The following LRP1B variants were observed in gnomAD, a reference collection of about 807,000 sequenced individuals.
The protein encoded by LRP1B is LDL receptor related protein 1B.
In LRP1B, 217 loss-of-function variants were observed where a neutral mutation model predicts 556.6. The ratio of observed to expected loss-of-function variants is 0.39; its 90% CI spans 0.35 to 0.44. The LOEUF (loss-of-function observed/expected upper bound fraction) is 0.44, where lower values mean the gene tolerates loss of function less well. Ranked by LOEUF, LRP1B falls within the 20% of genes least tolerant of loss-of-function variation. LRP1B has a pLI of 1.00. For synonymous variants in LRP1B, 2,047 were observed against 1,865.8 expected (o/e 1.10, Z -2.50); for missense variants, 5,053 against 5,620.8 (o/e 0.90, Z 3.23).
intron 7 of LRP1B, among the ~76,000 whole-genome samples, chr2:141,149,490 G>A (rs992644764): frequency 6.6e-6 from 1 of 152,160 alleles, no homozygotes; most frequent in Admixed American, 6.5e-5. Flanking sequence ...ACGGTAGAGT[G>A]TAAGGGACAT....
At chr2:140,956,971 AGT>A (rs1377762478) in intron 18 of LRP1B, among the ~76,000 whole-genome samples, 1 of 151,752 alleles carries the variant, frequency 6.6e-6, no homozygotes, top group Non-Finnish European at 1.5e-5. Flanking sequence ...TACCACCCAG[AGT>A]GAATGAATGA....
At chr2:141,876,130 T>C (rs552988226) in intron 1 of LRP1B, among the ~76,000 whole-genome samples, 75 of 151,982 alleles carry the variant, frequency 4.9e-4, no homozygotes, top group Non-Finnish European at 9.9e-4. Flanking sequence ...TTTTGGAAAA[T>C]CTGATATGAT....
intron 3 of LRP1B, among the ~76,000 whole-genome samples, chr2:141,320,138 T>C (rs193072679): frequency 5.8e-4 from 88 of 152,220 alleles, no homozygotes; most frequent in African/African-American, 2.0e-3. Flanking sequence ...TTGTGTACAA[T>C]ATATTATGAG....
chr2:142,099,101 A>G lies in LRP1B; in HGVS notation c.82+31547T>C, dbSNP rs1284636315. 2.6e-5 allele frequency among the ~76,000 whole-genome samples: 4 copies of G among 151,822 alleles called. No homozygotes were observed. The Admixed American group carries it at 2.6e-4, about 10-fold the overall frequency. ...ATAGAATAAAAATGAGAATGGCACA[A>G]GTTGATATCCAGTACATAATGTACA... is the stretch of plus-strand genomic sequence containing the variant. On this transcript the variant is annotated intron_variant, in intron 1 of 90. Coordinates refer to ENST00000389484, the MANE Select transcript of LRP1B (RefSeq NM_018557.3).
chr2:140,956,853 G>A (rs2105309516), intron 18 of LRP1B, among the ~76,000 whole-genome samples: 1 of 151,826 alleles, frequency 6.6e-6, no homozygotes. Flanking sequence ...TCTCTGAACA[G>A]AGGTCTGTGA....
intron 41 of LRP1B, among the ~76,000 whole-genome samples, chr2:140,670,444 C>T (rs1685438056): frequency 6.6e-6 from 1 of 152,074 alleles, no homozygotes; most frequent in Admixed American, 6.5e-5. Flanking sequence ...AATAAATTTG[C>T]AAGTAATGGA....
Position 141,253,137 on chromosome 2 carries a change from G to A in LRP1B, c.463+1385C>T, listed in dbSNP as rs547415649. 2.0e-4 allele frequency among the ~76,000 whole-genome samples: 30 copies of A among 152,244 alleles called. No homozygotes were observed. The South Asian group carries it at 4.1e-3, about 21-fold the overall frequency. On this transcript the variant is annotated intron_variant, in intron 4 of 90. Coordinates refer to ENST00000389484, the MANE Select transcript of LRP1B (RefSeq NM_018557.3). ...ATAGGTATCTAAGCCAAACACGTAC[G>A]AATGGCAAGGGCTGTTTGGAAGTGG...
At chr2:141,348,483 GTAT>G (rs1413903298) in intron 3 of LRP1B, among the ~76,000 whole-genome samples, 9 of 151,782 alleles carry the variant, frequency 5.9e-5, no homozygotes, top group African/African-American at 1.7e-4. Context: ...TTAATAATTA[GTAT>G]TATTAATATC....
intron 35 of LRP1B, among the ~76,000 whole-genome samples, chr2:140,758,832 T>C (rs1259191895): frequency 2.6e-5 from 4 of 152,064 alleles, no homozygotes; most frequent in Non-Finnish European, 5.9e-5. Context: ...TTATTAAGAA[T>C]CACTAATAAA....
At chr2:141,757,690 T>C (rs1367546972) in intron 2 of LRP1B, among the ~76,000 whole-genome samples, 2 of 152,018 alleles carry the variant, frequency 1.3e-5, no homozygotes, top group Non-Finnish European at 2.9e-5. Flanking sequence ...CATGCCAATA[T>C]GTCCAGCTAA....
intron 23 of LRP1B, chr2:140,899,012 G>A: frequency 2.8e-6 from 1 of 351,432 alleles, no homozygotes; most frequent in South Asian, 2.5e-5. Context: ...CAGAGCATCT[G>A]CAGTGATTGC....
chr2:140,965,496 T>C (rs1041042292), intron 18 of LRP1B, among the ~76,000 whole-genome samples: 5 of 152,166 alleles, frequency 3.3e-5, no homozygotes, highest in African/African-American at 1.2e-4. Flanking sequence ...TCAGAGTATC[T>C]ATACATGTAA....
chr2:141,437,432 A>G (rs367840982), intron 3 of LRP1B, among the ~76,000 whole-genome samples: 14 of 152,190 alleles, frequency 9.2e-5, no homozygotes, highest in African/African-American at 2.9e-4. Context: ...AAATGTTTCT[A>G]TGACTTGAAA....
At chr2:141,309,854 T>C (rs1456490039) in intron 3 of LRP1B, among the ~76,000 whole-genome samples, 1 of 151,446 alleles carries the variant, frequency 6.6e-6, no homozygotes, top group East Asian at 1.9e-4. Flanking sequence ...TTATAAGAAA[T>C]TCAAAAAAGA....
chr2:141,242,629 G>A (rs1303920208), intron 5 of LRP1B, among the ~76,000 whole-genome samples: 1 of 151,926 alleles, frequency 6.6e-6, no homozygotes, highest in Admixed American at 6.6e-5. Flanking sequence ...TACTCTCACT[G>A]CTCCAATTAC....
intron 29 of LRP1B, among the ~76,000 whole-genome samples, chr2:140,847,485 C>T (rs544000407): frequency 3.2e-4 from 49 of 151,974 alleles, no homozygotes; most frequent in Non-Finnish European, 6.5e-4. Flanking sequence ...AGAAAATGTT[C>T]AGGCTGGGCG....
chr2:141,239,206 G>A (rs1203464395), intron 5 of LRP1B, among the ~76,000 whole-genome samples: 1 of 152,062 alleles, frequency 6.6e-6, no homozygotes, highest in East Asian at 1.9e-4. Context: ...TGCTTTAAAA[G>A]GTAAAGCCTT....
At chr2:141,932,989 A>T (rs1700545058) in intron 1 of LRP1B, among the ~76,000 whole-genome samples, 1 of 152,042 alleles carries the variant, frequency 6.6e-6, no homozygotes, top group Non-Finnish European at 1.5e-5. Flanking sequence ...TTGTTTATGT[A>T]ACTGTTAATT....
chr2:140,238,415 G>T (rs1680804954), intron 88 of LRP1B, 119 bp from the exon 89 acceptor site: 1 of 552,408 alleles, frequency 1.8e-6, no homozygotes, highest in Non-Finnish European at 3.0e-6. Flanking sequence ...AATGACATTT[G>T]TCAAGTAACA....
Sources: allele counts gnomAD v4.1 joint callset (sites outside exome capture counted in the v4.1 genomes callset), GRCh38; gene constraint gnomAD v4.1.1; transcripts MANE v1.5; gene names NCBI Gene and HGNC (gene_info 2026-07-23, HGNC 2026-07-21).